Variants in SAMD3 observed in about 807,000 individuals in gnomAD.
SAMD3 encodes the protein sterile alpha motif domain-containing protein 3.
In SAMD3, 63 loss-of-function variants were observed where a neutral mutation model predicts 58.5. That is an observed-to-expected ratio of 1.08 (90% confidence interval 0.88 to 1.33). The LOEUF (loss-of-function observed/expected upper bound fraction) is 1.33. Ranked by LOEUF, SAMD3 falls within the 40% of genes most tolerant of loss-of-function variation. SAMD3 has a pLI of 0.00. For missense variants in SAMD3, 604 were observed against 608.4 expected, an observed-to-expected ratio of 0.99 and a Z score of 0.08; for synonymous variants, 220 against 210.3, an observed-to-expected ratio of 1.05 and a Z score of -0.40.
chr6:130,158,039 A>C (rs1203373598), intron 8 of SAMD3, among the ~76,000 whole-genome samples: 1 of 152,174 alleles, frequency 6.6e-6, no homozygotes, highest in African/African-American at 2.4e-5. Context: ...AAATTATGAA[A>C]CTATAAAATA....
intron 7 of SAMD3, among the ~76,000 whole-genome samples, chr6:130,180,205 C>A (rs1444095203): frequency 6.6e-6 from 1 of 151,586 alleles, no homozygotes; most frequent in Non-Finnish European, 1.5e-5. Context: ...ACTGCTGTCT[C>A]AACCTCCTGG....
intron 2 of SAMD3, among the ~76,000 whole-genome samples, chr6:130,311,184 T>C (rs1362406777): frequency 6.6e-6 from 1 of 152,232 alleles, no homozygotes; most frequent in East Asian, 1.9e-4. Flanking sequence ...TTATTATAAT[T>C]GAGCCTTTTC....
At chr6:130,342,319 T>G (rs965465316) in intron 1 of SAMD3, among the ~76,000 whole-genome samples, 1 of 152,240 alleles carries the variant, frequency 6.6e-6, no homozygotes, top group Non-Finnish European at 1.5e-5. Context: ...CATAATGAGC[T>G]GTTTTTTGCT....
chr6:130,360,848 T>C (rs1174077900), intron 1 of SAMD3, among the ~76,000 whole-genome samples: 2 of 152,190 alleles, frequency 1.3e-5, no homozygotes, highest in Non-Finnish European at 2.9e-5. Context: ...GCATATTCTC[T>C]TTCTCAGGGA....
intron 2 of SAMD3, among the ~76,000 whole-genome samples, chr6:130,276,352 G>GA (rs912328192): frequency 4.6e-5 from 7 of 152,038 alleles, no homozygotes; most frequent in African/African-American, 1.7e-4. Flanking sequence ...TTGTGGTAAT[G>GA]AATTATAGCA....
chr6:130,337,777 C>T (rs538672324), intron 1 of SAMD3, among the ~76,000 whole-genome samples: 106 of 152,226 alleles, frequency 7.0e-4, no homozygotes, highest in African/African-American at 2.4e-3. Flanking sequence ...GCATTTTGCC[C>T]GTGCCGTAGA....
At position 130,364,582 on chromosome 6, in the gene SAMD3, G is replaced by T. The variant is rs550237786; in HGVS notation, c.-304+538C>A. On this transcript the variant is annotated intron_variant, in intron 1 of 13. Transcript: ENST00000368134. The stretch of plus-strand genomic sequence containing the variant: ...CAAACACATTTAAGAAAACCTAAGA[G>T]AATTGAGCAGGTGGCTGTGGGCTAG... Among the ~76,000 whole-genome samples the T allele has an allele frequency of 1.7e-3, 254 of 152,032 alleles. 2 individuals carry two copies. The highest frequency in any genetic ancestry group is 8.4e-4 in the Non-Finnish European group (57 of 67,972).
intron 2 of SAMD3, among the ~76,000 whole-genome samples, chr6:130,275,300 A>G (rs986811626): frequency 1.3e-5 from 2 of 152,172 alleles, no homozygotes; most frequent in African/African-American, 4.8e-5. Context: ...GGGTCCCATT[A>G]TCAGCATTTT....
At chr6:130,332,792 G>A (rs577463124) in intron 1 of SAMD3, among the ~76,000 whole-genome samples, 1 of 152,242 alleles carries the variant, frequency 6.6e-6, no homozygotes, top group South Asian at 2.1e-4. Context: ...GTCCCGAGAG[G>A]CTGTTTGTGG....
chr6:130,316,288 TA>T (rs777240578), intron 1 of SAMD3, among the ~76,000 whole-genome samples: 2,987 of 80,304 alleles, frequency 0.037, 88 homozygotes, highest in African/African-American at 0.12. Flanking sequence ...AAGGCTGTCT[TA>T]AAAAAAAAAA....
chr6:130,244,146 T>C (rs1467631444), intron 2 of SAMD3, among the ~76,000 whole-genome samples: 2 of 152,260 alleles, frequency 1.3e-5, no homozygotes, highest in Non-Finnish European at 2.9e-5. Flanking sequence ...CTATGTAATT[T>C]AGTTTTATTG....
chr6:130,228,812 G>T (rs1363053456), intron 2 of SAMD3, among the ~76,000 whole-genome samples: 1 of 152,152 alleles, frequency 6.6e-6, no homozygotes, highest in African/African-American at 2.4e-5. Context: ...CGTGTGTCTG[G>T]GATCATTCCC....
At chr6:130,239,477 T>C (rs1458455685) in intron 2 of SAMD3, among the ~76,000 whole-genome samples, 1 of 152,224 alleles carries the variant, frequency 6.6e-6, no homozygotes, top group Non-Finnish European at 1.5e-5. Flanking sequence ...GTGAAGGCGT[T>C]TTTTGGTTCA....
intron 8 of SAMD3, among the ~76,000 whole-genome samples, chr6:130,156,419 A>G (rs1249396757): frequency 6.6e-6 from 1 of 152,220 alleles, no homozygotes; most frequent in African/African-American, 2.4e-5. Context: ...AGTGTAAGAA[A>G]GGAAAAGTGC....
chr6:130,211,732 C>T (rs1379671016), intron 4 of SAMD3, among the ~76,000 whole-genome samples: 3 of 151,974 alleles, frequency 2.0e-5, no homozygotes, highest in Non-Finnish European at 4.4e-5. Context: ...TACCTGACTA[C>T]ATTGGGCACA....
chr6:130,297,521 G>A (rs1033199934), intron 2 of SAMD3, among the ~76,000 whole-genome samples: 3 of 152,136 alleles, frequency 2.0e-5, no homozygotes, highest in Non-Finnish European at 4.4e-5. Flanking sequence ...TCTCTTTCTA[G>A]CAATGGATCC....
intron 2 of SAMD3, among the ~76,000 whole-genome samples, chr6:130,280,124 T>G (rs1439237134): frequency 1.3e-5 from 2 of 152,190 alleles, no homozygotes; most frequent in Non-Finnish European, 2.9e-5. Context: ...TTGTGTTGTT[T>G]TTCACTAGCT....
At chr6:130,348,622 A>T (rs1488337578) in intron 1 of SAMD3, among the ~76,000 whole-genome samples, 2 of 152,326 alleles carry the variant, frequency 1.3e-5, no homozygotes, top group East Asian at 3.9e-4. Flanking sequence ...CCCACACAAT[A>T]ATAATGGGAG....
At chr6:130,284,548 CA>C (rs1222056860) in intron 2 of SAMD3, among the ~76,000 whole-genome samples, 1 of 152,000 alleles carries the variant, frequency 6.6e-6, no homozygotes, top group Non-Finnish European at 1.5e-5. Flanking sequence ...AAAAGAATGT[CA>C]TATGAGCAAA....
Sources: allele counts gnomAD v4.1 joint callset (sites outside exome capture counted in the v4.1 genomes callset), GRCh38; gene constraint gnomAD v4.1.1; transcripts MANE v1.5; gene names NCBI Gene and HGNC (gene_info 2026-07-23, HGNC 2026-07-21).